The following NOL4 variants were observed in gnomAD, a reference collection of about 807,000 sequenced individuals.
NOL4 encodes cancer/testis antigen 125.
A neutral mutation model predicts 75.9 loss-of-function variants in NOL4; 17 were observed. The observed-to-expected ratio is 0.22, with a 90% CI of 0.15 to 0.34. The LOEUF (loss-of-function observed/expected upper bound fraction) is 0.34, where lower values mean the gene tolerates loss of function less well. Among genes scored for constraint, NOL4 ranks in the 10% least tolerant of loss-of-function variants. The probability of loss-of-function intolerance (pLI) is 1.00; values close to 1 mark genes in which losing one functional copy is unlikely to be tolerated. For missense variants in NOL4, 614 were observed against 793.5 expected, an observed-to-expected ratio of 0.77 and a Z score of 2.72; for synonymous variants, 292 against 289.9, an observed-to-expected ratio of 1.01 and a Z score of -0.07.
intron 7 of NOL4, among the ~76,000 whole-genome samples, chr18:33,957,922 TA>T (rs2069781291): frequency 6.6e-6 from 1 of 152,104 alleles, no homozygotes; most frequent in Non-Finnish European, 1.5e-5. Flanking sequence ...CATAATTAGA[TA>T]AGCTAGGAAA....
At chr18:33,974,244 G>A (rs1398482688) in intron 6 of NOL4, among the ~76,000 whole-genome samples, 1 of 152,068 alleles carries the variant, frequency 6.6e-6, no homozygotes, top group African/African-American at 2.4e-5. Context: ...CTTTTCTCTT[G>A]AAGCTTTCTC....
At chr18:34,220,872 C>CT (rs2037250749) in intron 1 of NOL4, 1 of 152,068 alleles carries the variant, frequency 6.6e-6, no homozygotes, top group South Asian at 2.1e-4. Flanking sequence ...ACACGTGTTA[C>CT]TTTAATATTA....
At chr18:33,885,881 T>C (rs1463588685) in intron 9 of NOL4, among the ~76,000 whole-genome samples, 1 of 152,164 alleles carries the variant, frequency 6.6e-6, no homozygotes, top group Non-Finnish European at 1.5e-5. Flanking sequence ...CTATGTTTGT[T>C]GCAACACTGT....
intron 1 of NOL4, among the ~76,000 whole-genome samples, chr18:34,217,775 T>C (rs1054971824): frequency 2.6e-5 from 4 of 152,120 alleles, no homozygotes. Context: ...TGTATGTGTA[T>C]ATATGTGTGC....
At chr18:33,960,965 G>C (rs1185025820) in intron 6 of NOL4, among the ~76,000 whole-genome samples, 1 of 151,964 alleles carries the variant, frequency 6.6e-6, no homozygotes, top group African/African-American at 2.4e-5. Flanking sequence ...CAATCTAATA[G>C]AATATATGTA....
intron 9 of NOL4, among the ~76,000 whole-genome samples, chr18:33,886,777 A>C (rs573087349): frequency 2.3e-3 from 332 of 145,552 alleles, no homozygotes; most frequent in Admixed American, 0.018. Context: ...ATATCTATAT[A>C]TATATATCTA....
At chr18:34,042,104 A>C (rs1170486613) in intron 5 of NOL4, among the ~76,000 whole-genome samples, 3 of 152,110 alleles carry the variant, frequency 2.0e-5, no homozygotes, top group East Asian at 3.9e-4. Context: ...TACTTTAGTA[A>C]ATTCTGATGT....
chr18:34,168,402 C>T (rs9676016), intron 1 of NOL4, among the ~76,000 whole-genome samples: 106 of 151,258 alleles, frequency 7.0e-4, no homozygotes, highest in African/African-American at 2.3e-3. Flanking sequence ...TTACCATTCA[C>T]AGACTTTAAC....
rs2062624089 is a variant in NOL4 at position 33,851,221 on chromosome 18, G to C, written c.*1621C>G. 1 of 152,262 alleles carries C rather than the reference G, an allele frequency of 6.6e-6. No homozygotes were observed. Among genetic ancestry groups the C allele is most frequent in the South Asian group, 2.1e-4 (1 of 4,834 alleles). 9.4% of individuals were successfully genotyped at this position (152,262 alleles called of 1,614,324 possible). A position where few individuals can be genotyped will look rare whatever the true frequency, so the allele number is the denominator to read the frequency against. ...TAAATCCACATCTTAAAAGATGTTT[G>C]TGCAGCTATGTATTTCCAAAATACT... is the stretch of plus-strand genomic sequence containing the variant. On this transcript the variant is annotated 3_prime_UTR_variant, in exon 11 of 11. Coordinates refer to ENST00000261592, the MANE Select transcript of NOL4 (RefSeq NM_003787.5).
At position 34,161,541 on chromosome 18, in the gene NOL4, T is replaced by C. The variant is rs79665550; in HGVS notation, c.265-31521A>G. Among the ~76,000 whole-genome samples the C allele has an allele frequency of 6.2e-4, 94 of 152,274 alleles. No homozygotes were observed. The East Asian group carries it at 0.017, about 28-fold the overall frequency. On this transcript the variant is annotated intron_variant, in intron 1 of 10. Coordinates refer to ENST00000261592, the MANE Select transcript of NOL4 (RefSeq NM_003787.5). Reference sequence around the variant, plus strand: ...TCTTTTTGATAATAGCCATTCTAACTGGGGTAAGATGTTATCTCCTGTAGG... The same window carrying C: ...TCTTTTTGATAATAGCCATTCTAACCGGGGTAAGATGTTATCTCCTGTAGG...
intron 1 of NOL4, among the ~76,000 whole-genome samples, chr18:34,152,620 C>G (rs1382789506): frequency 6.6e-6 from 1 of 151,814 alleles, no homozygotes; most frequent in Non-Finnish European, 1.5e-5. Flanking sequence ...AGACAGATCA[C>G]CCTTATGGAA....
chr18:34,064,621 T>C (rs976261515), intron 5 of NOL4, among the ~76,000 whole-genome samples: 1 of 151,958 alleles, frequency 6.6e-6, no homozygotes, highest in African/African-American at 2.4e-5. Flanking sequence ...AGATTATTAT[T>C]ATTATGAAAA....
At chr18:33,944,465 C>G (rs1264899092) in intron 8 of NOL4, among the ~76,000 whole-genome samples, 4 of 151,820 alleles carry the variant, frequency 2.6e-5, no homozygotes, top group African/African-American at 9.7e-5. Context: ...AACTAGGAAG[C>G]AATTTCTGCA....
At chr18:34,123,800 TA>T (rs949929168) in intron 2 of NOL4, among the ~76,000 whole-genome samples, 1 of 150,960 alleles carries the variant, frequency 6.6e-6, no homozygotes, top group Non-Finnish European at 1.5e-5. Context: ...AGATATTTTA[TA>T]TTTATATAGA....
At chr18:33,862,596 A>G (rs1344033247) in intron 10 of NOL4, among the ~76,000 whole-genome samples, 1 of 152,256 alleles carries the variant, frequency 6.6e-6, no homozygotes, top group African/African-American at 2.4e-5. Context: ...GAGCCCCATC[A>G]AAAAGTGGAC....
chr18:34,126,575 T>C (rs2080399953), intron 2 of NOL4, among the ~76,000 whole-genome samples: 1 of 152,158 alleles, frequency 6.6e-6, no homozygotes, highest in African/African-American at 2.4e-5. Context: ...GAAAGAGCTT[T>C]GAAACTTAAC....
chr18:34,064,233 CCT>C (rs1250058908), intron 5 of NOL4, among the ~76,000 whole-genome samples: 2 of 151,968 alleles, frequency 1.3e-5, no homozygotes, highest in South Asian at 4.1e-4. Context: ...AACAATCTAT[CCT>C]TAGCCAAGTT....
intron 4 of NOL4, among the ~76,000 whole-genome samples, chr18:34,096,127 G>C (rs1229570101): frequency 2.0e-5 from 3 of 151,694 alleles, no homozygotes; most frequent in Non-Finnish European, 4.4e-5. Flanking sequence ...ACTCTTGCCA[G>C]CATACATTTT....
chr18:33,904,115 T>C (rs991151784), intron 9 of NOL4, among the ~76,000 whole-genome samples: 3 of 152,124 alleles, frequency 2.0e-5, no homozygotes, highest in Non-Finnish European at 4.4e-5. Flanking sequence ...AAAGTTATAA[T>C]GGTTAATGAG....
Sources: allele counts gnomAD v4.1 joint callset (sites outside exome capture counted in the v4.1 genomes callset), GRCh38; gene constraint gnomAD v4.1.1; transcripts MANE v1.5; gene names NCBI Gene and HGNC (gene_info 2026-07-23, HGNC 2026-07-21).